Variants in PLPPR5 observed in about 807,000 individuals in gnomAD.
PLPPR5 encodes the protein phospholipid phosphatase-related protein type 5.
A neutral mutation model predicts 33.9 loss-of-function variants in PLPPR5; 16 were observed. That is an observed-to-expected ratio of 0.47 (90% CI 0.32 to 0.72). The LOEUF (loss-of-function observed/expected upper bound fraction) is 0.72, where lower values mean the gene tolerates loss of function less well. PLPPR5 is among the 30% of genes least tolerant of loss of function. The pLI, the probability that PLPPR5 is intolerant of heterozygous loss-of-function variation, is 0.03. For missense variants in PLPPR5, 301 were observed against 406.7 expected, an observed-to-expected ratio of 0.74 and a Z score of 2.23; for synonymous variants, 163 against 150.3, an observed-to-expected ratio of 1.08 and a Z score of -0.62.
At chr1:98,956,323 G>A (rs1485283699) in intron 2 of PLPPR5, among the ~76,000 whole-genome samples, 1 of 152,128 alleles carries the variant, frequency 6.6e-6, no homozygotes, top group Non-Finnish European at 1.5e-5. Context: ...AAGGTAGTAT[G>A]TAATGTTTAT....
chr1:98,945,554 A>G (rs906139808), intron 3 of PLPPR5, among the ~76,000 whole-genome samples: 1 of 152,198 alleles, frequency 6.6e-6, no homozygotes, highest in Non-Finnish European at 1.5e-5. Flanking sequence ...CCTGGGTCAC[A>G]TTCCTGGCTG....
intron 4 of PLPPR5, among the ~76,000 whole-genome samples, chr1:98,920,296 G>A (rs963545474): frequency 3.9e-5 from 6 of 152,004 alleles, no homozygotes; most frequent in Admixed American, 1.3e-4. Flanking sequence ...TTATGGACCC[G>A]CAGAGCTGAA....
At chr1:98,961,186 G>GT (rs1651234084) in intron 1 of PLPPR5, among the ~76,000 whole-genome samples, 1 of 152,116 alleles carries the variant, frequency 6.6e-6, no homozygotes, top group Non-Finnish European at 1.5e-5. Context: ...TTTCACAGAT[G>GT]TTTTTTCTAA....
chr1:98,903,559 C>T (rs1021552537), intron 5 of PLPPR5, among the ~76,000 whole-genome samples: 3 of 151,694 alleles, frequency 2.0e-5, no homozygotes, highest in Admixed American at 6.6e-5. Flanking sequence ...TGCATTTGTG[C>T]GATGTATGAA....
chr1:98,935,088 G>A (rs966670578), intron 3 of PLPPR5, among the ~76,000 whole-genome samples: 2 of 152,118 alleles, frequency 1.3e-5, no homozygotes. Context: ...GCATGTTATA[G>A]GACTGGGTAT....
rs748233830 is a variant in PLPPR5, at chr1:98,956,632, A to C, written c.347T>G (p.Val116Gly). The change falls in exon 2 of 6, where the codon GTG (valine) becomes GGG (glycine). Residue 116 changes from valine to glycine, a missense_variant. Physicochemically the swap from Val to Gly is moderately radical, Grantham distance 109 (BLOSUM62 -3). Coordinates refer to ENST00000263177, the MANE Select transcript of PLPPR5 (RefSeq NM_001037317.2). ...TGDCCYINPL[V>G]RRTVRFLGIY... Reference sequence around the variant, plus strand: ...ACCAAGAAATCGGACAGTTCGGCGCACCAGCGGGTTTATATAGCAACAGTC... The same window carrying C: ...ACCAAGAAATCGGACAGTTCGGCGCCCCAGCGGGTTTATATAGCAACAGTC... The C allele has an allele frequency of 6.3e-7, 1 of 1,589,886 alleles. No homozygotes were observed. The highest frequency in any genetic ancestry group is 8.5e-7 in the Non-Finnish European group (1 of 1,172,034).
At chr1:98,995,036 T>C (rs1652581486) in intron 1 of PLPPR5, among the ~76,000 whole-genome samples, 1 of 152,128 alleles carries the variant, frequency 6.6e-6, no homozygotes, top group Non-Finnish European at 1.5e-5. Flanking sequence ...AAAAAGGGAA[T>C]GCTTATATTC....
At chr1:99,001,328 G>T (rs960611005) in intron 1 of PLPPR5, among the ~76,000 whole-genome samples, 13 of 151,446 alleles carry the variant, frequency 8.6e-5, no homozygotes, top group Non-Finnish European at 1.3e-4. Context: ...GTAGAGACGG[G>T]GTTTCACCAT....
Position 98,890,436 on chromosome 1 carries a change from T to C in PLPPR5, c.*2636A>G, listed in dbSNP as rs1467086290. 2 of 152,466 alleles carry C rather than the reference T, an allele frequency of 1.3e-5. No individual in the cohort carries two copies. The highest frequency in any genetic ancestry group is 4.8e-5 in the African/African-American group (2 of 41,410). The allele number at this position is 152,466 out of a possible 1,614,324, so 9.4% of individuals were successfully genotyped here. On this transcript the variant is annotated 3_prime_UTR_variant, in exon 6 of 6. Transcript: ENST00000263177. ...AAAATACAAAGTCTGTCAAAGAAGA[T>C]TCACCTCTCTTTTAACATAAAAGAG...
At chr1:98,989,530 G>A (rs1652376884) in intron 1 of PLPPR5, among the ~76,000 whole-genome samples, 1 of 152,118 alleles carries the variant, frequency 6.6e-6, no homozygotes, top group South Asian at 2.1e-4. Context: ...GTAAGAGTGT[G>A]ATCAAAAGAG....
intron 1 of PLPPR5, among the ~76,000 whole-genome samples, chr1:98,972,920 C>CT (rs1411010584): frequency 4.6e-5 from 7 of 151,986 alleles, no homozygotes; most frequent in Non-Finnish European, 1.0e-4. Context: ...TCACAGAATA[C>CT]TTTTTTTAAA....
intron 3 of PLPPR5, among the ~76,000 whole-genome samples, chr1:98,946,075 T>C (rs1650538106): frequency 6.6e-6 from 1 of 152,138 alleles, no homozygotes; most frequent in South Asian, 2.1e-4. Flanking sequence ...CTCTCAATCT[T>C]AAGGAAACCA....
rs577965529 is a variant in PLPPR5 at position 98,996,653 on chromosome 1, C to T, written c.237+7782G>A. ...CTATAGGTTAAGATCCTAACTCTGA[C>T]CTCAGAACTTACCTTCTCAACCTGT... On this transcript the variant is annotated intron_variant, in intron 1 of 5. Transcript: ENST00000263177. 1.3e-4 allele frequency among the ~76,000 whole-genome samples: 20 copies of T among 152,194 alleles called. No individual in the cohort carries two copies. The South Asian group carries it at 2.3e-3, about 17-fold the overall frequency.
chr1:98,963,283 T>C (rs1651313039), intron 1 of PLPPR5, among the ~76,000 whole-genome samples: 1 of 152,240 alleles, frequency 6.6e-6, no homozygotes. Flanking sequence ...TTCCCTTCTC[T>C]GTGTTCCAAT....
intron 3 of PLPPR5, among the ~76,000 whole-genome samples, chr1:98,925,066 T>C (rs1435528828): frequency 3.3e-5 from 5 of 152,226 alleles, no homozygotes; most frequent in Non-Finnish European, 7.3e-5. Flanking sequence ...TGAACATAAG[T>C]GCCTTTTTAG....
intron 1 of PLPPR5, among the ~76,000 whole-genome samples, chr1:99,002,407 G>A (rs1652882208): frequency 6.6e-6 from 1 of 152,188 alleles, no homozygotes; most frequent in Non-Finnish European, 1.5e-5. Flanking sequence ...TGGAAGCAAT[G>A]TAAGTCGCAT....
chr1:98,928,961 T>C (rs1649865692), intron 3 of PLPPR5, among the ~76,000 whole-genome samples: 1 of 152,166 alleles, frequency 6.6e-6, no homozygotes, highest in South Asian at 2.1e-4. Context: ...TGGCTACTTT[T>C]TAAATATGTT....
intron 1 of PLPPR5, among the ~76,000 whole-genome samples, chr1:98,971,100 G>A (rs1651641427): frequency 6.6e-6 from 1 of 152,016 alleles, no homozygotes; most frequent in South Asian, 2.1e-4. Context: ...GGCCTGGAAT[G>A]TTCATTTCTG....
chr1:98,921,222 A>G (rs1311410097), intron 4 of PLPPR5, among the ~76,000 whole-genome samples: 2 of 152,250 alleles, frequency 1.3e-5, no homozygotes, highest in Non-Finnish European at 2.9e-5. Context: ...AAGAGTATAA[A>G]TGGAATGCTT....
Sources: gnomAD v4.1 joint callset for allele counts (sites outside exome capture counted in the v4.1 genomes callset) on GRCh38, gnomAD v4.1.1 for gene constraint, MANE v1.5 for transcripts, NCBI Gene and HGNC (gene_info 2026-07-23, HGNC 2026-07-21) for gene names.